The following SORBS2 variants were observed in gnomAD, a reference collection of about 807,000 sequenced individuals.
The protein encoded by SORBS2 is sorbin and SH3 domain containing 2.
In SORBS2, 46 loss-of-function variants were observed where a neutral mutation model predicts 97.7. The ratio of observed to expected loss-of-function variants is 0.47; its 90% CI spans 0.37 to 0.60. SORBS2 has a LOEUF of 0.60. SORBS2 is among the 20% of genes least tolerant of loss of function. SORBS2 has a pLI of 0.00. For synonymous variants in SORBS2, 476 were observed against 473.4 expected (o/e 1.01, Z -0.07); for missense variants, 1,316 against 1,282.3 (o/e 1.03, Z -0.40).
chr4:185,743,071 G>T (rs1468707130), intron 2 of SORBS2, among the ~76,000 whole-genome samples: 1 of 152,228 alleles, frequency 6.6e-6, no homozygotes, highest in Non-Finnish European at 1.5e-5. Flanking sequence ...AAGAAATCTA[G>T]ATCTAAGCCT....
chr4:185,887,389 T>C (rs1277186669), intron 1 of SORBS2, among the ~76,000 whole-genome samples: 1 of 152,210 alleles, frequency 6.6e-6, no homozygotes, highest in African/African-American at 2.4e-5. Context: ...ATTTGGTTGT[T>C]TGAAGGGTTG....
At chr4:185,714,398 A>ATGTTTATATATAGGTG (rs2098448218) in intron 2 of SORBS2, among the ~76,000 whole-genome samples, 1 of 152,220 alleles carries the variant, frequency 6.6e-6, no homozygotes, top group African/African-American at 2.4e-5. Context: ...GGTGGCATTA[A>ATGTTTATATATAGGTG]GTAGAATAAT....
At chr4:185,585,921 CT>C (rs2095796441) in exon 15 of SORBS2, 1 of 152,304 alleles carries the variant, frequency 6.6e-6, no homozygotes, top group Non-Finnish European at 1.5e-5. Context: ...CTTCTACGAT[CT>C]TTTAACTTCA....
chr4:185,632,368 G>A (rs948296668), intron 4 of SORBS2, among the ~76,000 whole-genome samples: 7 of 152,090 alleles, frequency 4.6e-5, no homozygotes, highest in Admixed American at 4.6e-4. Flanking sequence ...TAGATTTCTA[G>A]GTTCTCAACA....
chr4:185,745,853 C>A (rs961101342), intron 2 of SORBS2, among the ~76,000 whole-genome samples: 1 of 152,170 alleles, frequency 6.6e-6, no homozygotes, highest in Non-Finnish European at 1.5e-5. Flanking sequence ...TTGGCCATGA[C>A]TGTTACTGCC....
chr4:185,945,467 AATG>A (rs1258256715), intron 1 of SORBS2, among the ~76,000 whole-genome samples: 2 of 152,244 alleles, frequency 1.3e-5, no homozygotes, highest in Admixed American at 6.5e-5. Flanking sequence ...AAGAATGAAA[AATG>A]ATGATGATTC....
chr4:185,794,753 C>T (rs1161319000), intron 1 of SORBS2, among the ~76,000 whole-genome samples: 3 of 151,940 alleles, frequency 2.0e-5, no homozygotes, highest in Non-Finnish European at 4.4e-5. Context: ...TGACATGATG[C>T]TTCTGGGCAT....
At chr4:185,901,306 C>T (rs1295339857) in intron 1 of SORBS2, among the ~76,000 whole-genome samples, 3 of 151,944 alleles carry the variant, frequency 2.0e-5, no homozygotes, top group African/African-American at 2.4e-5. Flanking sequence ...TGGGTTCAAG[C>T]GATCTCCTGC....
At chr4:185,760,943 CTA>C (rs1268900873) in intron 2 of SORBS2, among the ~76,000 whole-genome samples, 2 of 152,174 alleles carry the variant, frequency 1.3e-5, no homozygotes, top group Non-Finnish European at 2.9e-5. Context: ...TAAATGATTG[CTA>C]TTTCAGTTAC....
At chr4:185,857,082 T>C (rs74564277) in intron 1 of SORBS2, among the ~76,000 whole-genome samples, 2,348 of 152,180 alleles carry the variant, frequency 0.015, 44 homozygotes, top group African/African-American at 0.052. Context: ...GTAACTAGGA[T>C]TATATAAGGT....
chr4:185,867,921 AC>A (rs988578912), intron 1 of SORBS2, among the ~76,000 whole-genome samples: 1 of 152,042 alleles, frequency 6.6e-6, no homozygotes, highest in African/African-American at 2.4e-5. Context: ...TATTCATAGC[AC>A]AAATAGTGTC....
Position 185,848,117 on chromosome 4 carries a change from G to C in SORBS2, c.-337-72751C>G, listed in dbSNP as rs540221247. Among the ~76,000 whole-genome samples the C allele has an allele frequency of 3.3e-5, 5 of 152,220 alleles. No individual in the cohort carries two copies. The South Asian group carries it at 1.0e-3, about 32-fold the overall frequency. Reference sequence around the variant, plus strand: ...AATGATGCTTTAAGCTGCAGTCTCAGATACCCCGAAATTATATGAGTACAG... The same window carrying C: ...AATGATGCTTTAAGCTGCAGTCTCACATACCCCGAAATTATATGAGTACAG... On this transcript the variant is annotated intron_variant, in intron 1 of 20. Transcript: ENST00000284776.
At chr4:185,729,391 T>C (rs934433069) in intron 2 of SORBS2, among the ~76,000 whole-genome samples, 1 of 152,208 alleles carries the variant, frequency 6.6e-6, no homozygotes, top group Non-Finnish European at 1.5e-5. Flanking sequence ...AGGGTTTCCA[T>C]CCGTATTTCC....
chr4:185,942,284 A>G (rs1251123767), intron 1 of SORBS2, among the ~76,000 whole-genome samples: 2 of 152,200 alleles, frequency 1.3e-5, no homozygotes. Context: ...CCACTTAGGA[A>G]AGCACTTTTT....
intron 2 of SORBS2, among the ~76,000 whole-genome samples, chr4:185,701,175 C>G (rs1246001999): frequency 6.6e-6 from 1 of 152,162 alleles, no homozygotes; most frequent in African/African-American, 2.4e-5. Context: ...GAAATAAACT[C>G]TCAACACTCT....
At chr4:185,852,770 C>A (rs2149688778) in intron 1 of SORBS2, among the ~76,000 whole-genome samples, 1 of 152,268 alleles carries the variant, frequency 6.6e-6, no homozygotes. Flanking sequence ...GGCATGTGGA[C>A]TGAAACCATG....
intron 2 of SORBS2, among the ~76,000 whole-genome samples, chr4:185,760,841 T>C (rs2098881119): frequency 6.6e-6 from 1 of 152,216 alleles, no homozygotes; most frequent in Non-Finnish European, 1.5e-5. Flanking sequence ...TTCAAGAATG[T>C]GACTGAGGAC....
chr4:185,722,578 TA>T (rs919226786), intron 2 of SORBS2, among the ~76,000 whole-genome samples: 33 of 152,050 alleles, frequency 2.2e-4, no homozygotes, highest in Non-Finnish European at 4.3e-4. Flanking sequence ...TGATTGGTGA[TA>T]AAAAAAATTA....
At chr4:185,770,419 A>G (rs927679318) in intron 2 of SORBS2, among the ~76,000 whole-genome samples, 4 of 152,160 alleles carry the variant, frequency 2.6e-5, no homozygotes, top group African/African-American at 9.7e-5. Flanking sequence ...TCATTGTCCA[A>G]TTGTGGCATC....
Sources: allele counts gnomAD v4.1 joint callset (sites outside exome capture counted in the v4.1 genomes callset), GRCh38; gene constraint gnomAD v4.1.1; transcripts MANE v1.5; gene names NCBI Gene and HGNC (gene_info 2026-07-23, HGNC 2026-07-21).